RICTOR: variants seen among roughly 807,000 people sequenced by gnomAD.
The protein encoded by RICTOR is rapamycin-insensitive companion of mTOR.
In RICTOR, 49 loss-of-function variants were observed where a neutral mutation model predicts 214.9. The ratio of observed to expected loss-of-function variants is 0.23; its 90% CI spans 0.18 to 0.29. The LOEUF (loss-of-function observed/expected upper bound fraction) is 0.29, where lower values mean the gene tolerates loss of function less well. RICTOR is among the 10% of genes least tolerant of loss of function. RICTOR has a pLI of 1.00. For synonymous variants in RICTOR, 717 were observed against 711.3 expected, an observed-to-expected ratio of 1.01 and a Z score of -0.13; for missense variants, 1,625 against 2,047.0, an observed-to-expected ratio of 0.79 and a Z score of 3.98.
chr5:38,959,389 AT>A, intron 21 of RICTOR, 68 bp from the exon 22 acceptor site: 1 of 916,534 alleles, frequency 1.1e-6, no homozygotes, highest in Non-Finnish European at 1.6e-6. Flanking sequence ...TTAAACAAAT[AT>A]TTTTTCCAGC....
intron 5 of RICTOR, 64 bp from the exon 6 acceptor site, chr5:38,996,946 T>A: frequency 9.3e-7 from 1 of 1,071,652 alleles, no homozygotes; most frequent in East Asian, 2.4e-5. Context: ...TGTATCACAA[T>A]ACTGATAGAT....
At chr5:39,028,175 CTTT>C (rs70982535) in intron 2 of RICTOR, among the ~76,000 whole-genome samples, 7 of 78,434 alleles carry the variant, frequency 8.9e-5, no homozygotes, top group East Asian at 4.3e-4. Context: ...AACTGGAATT[CTTT>C]TTTTTTTTTT....
At chr5:38,994,451 A>AAAAAACAAAAAAAAAAAAAAAG in intron 6 of RICTOR, among the ~76,000 whole-genome samples, 1 of 101,562 alleles carries the variant, frequency 9.8e-6, no homozygotes, top group East Asian at 2.9e-4. Context: ...AAAAAAAAAA[A>AAAAAACAAAAAAAAAAAAAAAG]AGTGCTTCAG....
At chr5:39,019,512 TG>T (rs1755231614) in intron 3 of RICTOR, among the ~76,000 whole-genome samples, 1 of 152,180 alleles carries the variant, frequency 6.6e-6, no homozygotes, top group Admixed American at 6.5e-5. Flanking sequence ...GCTTTACAAA[TG>T]GAACAAGGCC....
intron 2 of RICTOR, among the ~76,000 whole-genome samples, chr5:39,050,923 T>G (rs1292194798): frequency 6.6e-6 from 1 of 152,176 alleles, no homozygotes; most frequent in African/African-American, 2.4e-5. Flanking sequence ...ATATTTTTAA[T>G]AAGTCTGATA....
chr5:38,986,418 T>C (rs1039810703), intron 7 of RICTOR, among the ~76,000 whole-genome samples: 5 of 152,122 alleles, frequency 3.3e-5, no homozygotes, highest in African/African-American at 4.8e-5. Context: ...GAATAACTAA[T>C]GTTAGAGAGC....
chr5:38,996,673 T>G lies in RICTOR; in HGVS notation c.456+146A>C, dbSNP rs1246973209. ...TTGTTTACCTCAAAGTTTAATGAAT[T>G]TATTTAATATAAAACTTTAATAAAA... On this transcript the variant is annotated intron_variant, in intron 6 of 37. Coordinates refer to ENST00000357387, the MANE Select transcript of RICTOR (RefSeq NM_152756.5). 1.4e-5 allele frequency: 7 copies of G among 504,150 alleles called. No homozygotes were observed. In the Admixed American group the frequency reaches 2.2e-4, roughly 16 times the overall value. 31.2% of individuals were successfully genotyped at this position (504,150 alleles called of 1,614,324 possible).
intron 2 of RICTOR, among the ~76,000 whole-genome samples, chr5:39,041,307 T>A (rs1045724027): frequency 6.6e-6 from 1 of 152,196 alleles, no homozygotes; most frequent in African/African-American, 2.4e-5. Context: ...AAATTCTATA[T>A]CTTCAGAAAA....
At chr5:39,021,506 T>G in intron 2 of RICTOR, among the ~76,000 whole-genome samples, 1 of 152,300 alleles carries the variant, frequency 6.6e-6, no homozygotes, top group Non-Finnish European at 1.5e-5. Flanking sequence ...TCTGCCCCCA[T>G]GAATGGATTG....
chr5:38,993,953 C>T (rs930024755), intron 6 of RICTOR, among the ~76,000 whole-genome samples: 1 of 152,070 alleles, frequency 6.6e-6, no homozygotes, highest in Non-Finnish European at 1.5e-5. Context: ...GAGGCCAAGG[C>T]GGGCAGATCA....
At position 38,978,667 on chromosome 5, in the gene RICTOR, AGG is replaced by A; in HGVS notation, c.754-19_754-18del. 12 of 1,251,744 alleles carry A rather than the reference AGG, an allele frequency of 9.6e-6. No individual in the cohort carries two copies. Among genetic ancestry groups the A allele is most frequent in the Non-Finnish European group, 1.1e-5 (10 of 876,872 alleles). The allele number at this position is 1,251,744 out of a possible 1,614,324, so 77.5% of individuals were successfully genotyped here. ...TAAAATTCTCTATTTAAAAAAAAAA[AGG>A]AAGAAAAGAGTCTTTATTTTAAAAT... On this transcript the variant is annotated intron_variant, in intron 8 of 37. Transcript: ENST00000357387.
Position 38,952,232 on chromosome 5 carries a change from A to T in RICTOR, c.3091T>A (p.Ser1031Thr). 6.2e-7 allele frequency: 1 copy of T among 1,612,164 alleles called. No homozygotes were observed. The change falls in exon 30 of 38, where the codon TCT becomes ACT. Residue 1031 changes from serine to threonine, a missense_variant. Physicochemically the swap from Ser to Thr is moderately conservative, Grantham distance 58. Around this residue, in one of 5 missense-constraint regions of RICTOR, gnomAD observed 1,214 missense variants for 1,470.5 expected, o/e 0.83. Transcript: ENST00000357387. ...GATTCACTTTCACTATTATGTCTAG[A>T]GCTGGTTGACTCCGAGTTCAAACTT... is the stretch of plus-strand genomic sequence containing the variant. The part of the protein sequence containing the change: ...TLSLNSESTS[S>T]RHNSESESVP...
chr5:38,960,084 C>A (rs1749660265), intron 20 of RICTOR, 106 bp from the exon 21 acceptor site: 2 of 791,944 alleles, frequency 2.5e-6, no homozygotes, highest in South Asian at 1.5e-5. Flanking sequence ...ATGAAGTTAC[C>A]AATAATAGCT....
intron 2 of RICTOR, among the ~76,000 whole-genome samples, chr5:39,045,289 T>A (rs1298830995): frequency 1.3e-5 from 2 of 152,162 alleles, no homozygotes; most frequent in Non-Finnish European, 2.9e-5. Context: ...AACATTTTAA[T>A]GTTATTTTCC....
At chr5:38,956,524 C>A (rs978325030) in intron 25 of RICTOR, among the ~76,000 whole-genome samples, 1 of 152,062 alleles carries the variant, frequency 6.6e-6, no homozygotes, top group South Asian at 2.1e-4. Flanking sequence ...TCTGCTCCTT[C>A]TTCCGTGGAT....
chr5:38,996,098 C>A (rs1231289298), intron 6 of RICTOR, among the ~76,000 whole-genome samples: 1 of 152,146 alleles, frequency 6.6e-6, no homozygotes, highest in African/African-American at 2.4e-5. Context: ...CTAAAAAATT[C>A]AACTGGAAAA....
At chr5:38,951,962 A>G (rs1748823649) in intron 30 of RICTOR, among the ~76,000 whole-genome samples, 1 of 151,940 alleles carries the variant, frequency 6.6e-6, no homozygotes, top group Non-Finnish European at 1.5e-5. Context: ...GGCTTATTAC[A>G]TAACTTTGTA....
chr5:39,006,390 T>C (rs1580079153), intron 3 of RICTOR, among the ~76,000 whole-genome samples: 2 of 152,250 alleles, frequency 1.3e-5, no homozygotes, highest in South Asian at 2.1e-4. Flanking sequence ...AAAAGTTACA[T>C]ATAATGTCCT....
At chr5:38,998,431 C>T (rs1464342267) in intron 5 of RICTOR, among the ~76,000 whole-genome samples, 1 of 152,140 alleles carries the variant, frequency 6.6e-6, no homozygotes. Flanking sequence ...AAGTGATCTG[C>T]CCGCCTAGGC....
Sources: gnomAD v4.1 joint callset for allele counts (sites outside exome capture counted in the v4.1 genomes callset) on GRCh38, gnomAD v4.1.1 for gene constraint, gnomAD v4.1.1 regional missense constraint, MANE v1.5 for transcripts, NCBI Gene and HGNC (gene_info 2026-07-23, HGNC 2026-07-21) for gene names.